Variants in ZFAND3 observed in about 807,000 individuals in gnomAD.
The protein encoded by ZFAND3 is AN1-type zinc finger protein 3.
In ZFAND3, 10 loss-of-function variants were observed where a neutral mutation model predicts 29.6. The ratio of observed to expected loss-of-function variants is 0.34; its 90% CI spans 0.21 to 0.57. The LOEUF is 0.57. Among genes scored for constraint, ZFAND3 ranks in the 20% least tolerant of loss-of-function variants. ZFAND3 has a pLI of 0.86. For missense variants in ZFAND3, 230 were observed against 304.5 expected, an observed-to-expected ratio of 0.76 and a Z score of 1.82; for synonymous variants, 128 against 112.6, an observed-to-expected ratio of 1.14 and a Z score of -0.87.
chr6:38,002,502 A>G lies in ZFAND3; in HGVS notation c.113-59091A>G, dbSNP rs186388387. Among the ~76,000 whole-genome samples the G allele has an allele frequency of 1.8e-3, 279 of 152,104 alleles. 2 individuals are homozygous for G. The highest frequency in any genetic ancestry group is 6.5e-3 in the African/African-American group (269 of 41,480). On this transcript the variant is annotated intron_variant, in intron 2 of 5. Coordinates refer to ENST00000287218, the MANE Select transcript of ZFAND3 (RefSeq NM_021943.3). ...GAGACAAGGCTAGGCAATATGGTGA[A>G]ATCCCGTCTCTACAAAAAATCCAAA...
chr6:37,841,366 A>C (rs890124450), intron 1 of ZFAND3, among the ~76,000 whole-genome samples: 1 of 134,514 alleles, frequency 7.4e-6, no homozygotes, highest in Non-Finnish European at 1.7e-5. Context: ...CCTTCTATCC[A>C]TCTATTAATC....
chr6:38,082,599 C>T (rs1446448976), intron 4 of ZFAND3, 142 bp downstream of exon 4: 5 of 697,196 alleles, frequency 7.2e-6, no homozygotes, highest in South Asian at 4.2e-5. Context: ...GTATTCACGG[C>T]GGAGTGTCAG....
chr6:38,066,514 A>C (rs1379397314), intron 3 of ZFAND3, among the ~76,000 whole-genome samples: 1 of 152,242 alleles, frequency 6.6e-6, no homozygotes, highest in Non-Finnish European at 1.5e-5. Flanking sequence ...TTGGGATGCC[A>C]AATCCAAGTA....
At chr6:38,058,039 TTTTGAACTGCCAGTTCACAAA>T (rs1362197369) in intron 2 of ZFAND3, among the ~76,000 whole-genome samples, 2 of 152,188 alleles carry the variant, frequency 1.3e-5, no homozygotes, top group African/African-American at 4.8e-5. Context: ...AACCTGAAGT[TTTTGAACTGCCAGTTCACAAA>T]AGAGAACTTG....
chr6:37,822,226 C>G (rs1004580049), intron 1 of ZFAND3, among the ~76,000 whole-genome samples: 3 of 152,212 alleles, frequency 2.0e-5, no homozygotes, highest in African/African-American at 7.2e-5. Context: ...TGTACTTGAC[C>G]TATAAGCAAC....
intron 1 of ZFAND3, among the ~76,000 whole-genome samples, chr6:37,853,531 A>AT (rs1764322199): frequency 6.6e-6 from 1 of 151,930 alleles, no homozygotes. Flanking sequence ...TACTATAAAT[A>AT]TTTTTGGGGG....
intron 4 of ZFAND3, among the ~76,000 whole-genome samples, chr6:38,104,880 T>G (rs1006005660): frequency 1.3e-5 from 2 of 152,174 alleles, no homozygotes; most frequent in Non-Finnish European, 2.9e-5. Context: ...GAAAGTTGTC[T>G]TCGTAATAAG....
At chr6:37,937,191 CAG>C (rs1761713303) in intron 2 of ZFAND3, among the ~76,000 whole-genome samples, 1 of 152,136 alleles carries the variant, frequency 6.6e-6, no homozygotes, top group African/African-American at 2.4e-5. Flanking sequence ...GTAAGAGAAA[CAG>C]AGTGAGTCTG....
intron 2 of ZFAND3, among the ~76,000 whole-genome samples, chr6:38,012,535 C>T (rs540386713): frequency 1.1e-4 from 16 of 152,104 alleles, no homozygotes; most frequent in East Asian, 7.8e-4. Flanking sequence ...CGTGCCACCA[C>T]GCCTGGCTAA....
intron 2 of ZFAND3, among the ~76,000 whole-genome samples, chr6:37,972,512 T>A (rs1228485905): frequency 6.6e-6 from 1 of 152,178 alleles, no homozygotes; most frequent in African/African-American, 2.4e-5. Context: ...GTGAGACTGT[T>A]CATTTTGAGG....
chr6:37,844,253 T>C (rs1315812902), intron 1 of ZFAND3, among the ~76,000 whole-genome samples: 2 of 151,570 alleles, frequency 1.3e-5, no homozygotes, highest in East Asian at 3.9e-4. Flanking sequence ...TCTGTCTGTC[T>C]TTCTGTCTTT....
intron 2 of ZFAND3, among the ~76,000 whole-genome samples, chr6:38,047,012 AATGGCTAT>A (rs1763916410): frequency 6.6e-6 from 1 of 151,994 alleles, no homozygotes; most frequent in Non-Finnish European, 1.5e-5. Flanking sequence ...TATAATTAGT[AATGGCTAT>A]ATGTTTGAAA....
intron 1 of ZFAND3, among the ~76,000 whole-genome samples, chr6:37,910,609 T>G (rs1561930948): frequency 6.6e-6 from 1 of 152,218 alleles, no homozygotes; most frequent in Non-Finnish European, 1.5e-5. Context: ...GTGGGAACAT[T>G]TAAAATCTCT....
chr6:37,940,982 C>A (rs973865001), intron 2 of ZFAND3, among the ~76,000 whole-genome samples: 1 of 152,094 alleles, frequency 6.6e-6, no homozygotes, highest in African/African-American at 2.4e-5. Context: ...GCAGTAAAAT[C>A]CTGAAATGAA....
chr6:38,116,844 G>T, intron 5 of ZFAND3, 105 bp downstream of exon 5: 12 of 1,435,056 alleles, frequency 8.4e-6, no homozygotes, highest in Non-Finnish European at 1.1e-5. Flanking sequence ...TCTGAGTACT[G>T]TAAGTTTGCT....
chr6:38,010,589 C>T lies in ZFAND3; in HGVS notation c.113-51004C>T, dbSNP rs563743634. ...TTCTGTCACTATCATTTTGCTTTTA[C>T]GCCCCCAACCTTTTTTTTTTTTTTT... On this transcript the variant is annotated intron_variant, in intron 2 of 5. Transcript: ENST00000287218. Among the ~76,000 whole-genome samples, 126 of 150,784 alleles carry T rather than the reference C, an allele frequency of 8.4e-4. 1 individual carries two copies. Among genetic ancestry groups the T allele is most frequent in the African/African-American group, 3.0e-3 (123 of 41,226 alleles).
intron 1 of ZFAND3, among the ~76,000 whole-genome samples, chr6:37,880,334 A>C (rs886436079): frequency 6.6e-6 from 1 of 152,216 alleles, no homozygotes; most frequent in Non-Finnish European, 1.5e-5. Flanking sequence ...TTGATCTAAA[A>C]ATTACTTTGT....
intron 4 of ZFAND3, among the ~76,000 whole-genome samples, chr6:38,090,072 C>T (rs1164089001): frequency 3.3e-5 from 5 of 152,068 alleles, no homozygotes; most frequent in African/African-American, 7.2e-5. Context: ...GAGCTGGTCT[C>T]GAACTCCTGA....
At chr6:37,887,678 A>G (rs530808866) in intron 1 of ZFAND3, among the ~76,000 whole-genome samples, 4 of 152,358 alleles carry the variant, frequency 2.6e-5, no homozygotes, top group African/African-American at 4.8e-5. Flanking sequence ...CCATGTATGC[A>G]TCTTCTCTGT....
Sources: gnomAD v4.1 joint callset for allele counts (sites outside exome capture counted in the v4.1 genomes callset) on GRCh38, gnomAD v4.1.1 for gene constraint, MANE v1.5 for transcripts, NCBI Gene and HGNC (gene_info 2026-07-23, HGNC 2026-07-21) for gene names.